Variants in DNAI4 observed in about 807,000 individuals in gnomAD.
DNAI4 encodes dynein axonemal intermediate chain 4.
DNAI4 carries 85 observed loss-of-function variants against 105.8 expected under a neutral mutation model. The ratio of observed to expected loss-of-function variants is 0.80; its 90% CI spans 0.67 to 0.96. DNAI4 has a LOEUF of 0.96. DNAI4 is among the 40% of genes least tolerant of loss of function. DNAI4 has a pLI of 0.00. For synonymous variants in DNAI4, 352 were observed against 331.5 expected (o/e 1.06, Z -0.67); for missense variants, 1,014 against 1,005.6 (o/e 1.01, Z -0.11).
chr1:66,814,535 AT>A (rs1459633352), intron 16 of DNAI4, among the ~76,000 whole-genome samples: 13 of 151,950 alleles, frequency 8.6e-5, no homozygotes, highest in African/African-American at 2.2e-4. Flanking sequence ...CGCCCAGCTA[AT>A]TTTTTGTATT....
intron 7 of DNAI4, among the ~76,000 whole-genome samples, chr1:66,848,924 C>A (rs972322683): frequency 6.6e-6 from 1 of 152,328 alleles, no homozygotes; most frequent in African/African-American, 2.4e-5. Context: ...CCTAGTCTTA[C>A]ACCCTCACTA....
In DNAI4 at chr1:66,916,605, A is replaced by G. The variant is rs187596438; in HGVS notation, c.170+8057T>C. Among the ~76,000 whole-genome samples, 289 of 152,300 alleles carry G rather than the reference A, an allele frequency of 1.9e-3. 1 individual carries two copies. Among genetic ancestry groups the G allele is most frequent in the Non-Finnish European group, 3.3e-3 (225 of 68,024 alleles). ...TTAAGGGCTGCTTTTAAGAGATAAA[A>G]TAAGTTCAGTTTCTCTATAATCATT... On this transcript the variant is annotated intron_variant, in intron 1 of 16. Transcript: ENST00000371026.
rs547044978 is a variant in DNAI4 at position 66,912,582 on chromosome 1, C to T, written c.171-7207G>A. On this transcript the variant is annotated intron_variant, in intron 1 of 16. Transcript: ENST00000371026. The stretch of plus-strand genomic sequence containing the variant: ...CACCTTTCTGGATGGAACCAATGTA[C>T]TTCTTACATATACTGAATGATGTCT... Among the ~76,000 whole-genome samples, 224 of 152,256 alleles carry T rather than the reference C, an allele frequency of 1.5e-3. 1 individual carries two copies. The highest frequency in any genetic ancestry group is 2.3e-3 in the South Asian group (11 of 4,828).
At chr1:66,848,712 G>T (rs1646331129) in intron 7 of DNAI4, among the ~76,000 whole-genome samples, 1 of 152,134 alleles carries the variant, frequency 6.6e-6, no homozygotes, top group Non-Finnish European at 1.5e-5. Context: ...TCCAGATATG[G>T]AGCTGAAGAA....
chr1:66,836,310 AAGAAAGAAAGAAAG>A (rs1448859195), intron 10 of DNAI4, among the ~76,000 whole-genome samples: 1 of 144,914 alleles, frequency 6.9e-6, no homozygotes, highest in African/African-American at 2.5e-5. Flanking sequence ...GAAAGAAAGA[AAGAAAGAAAGAAAG>A]AAGGAAAGAG....
chr1:66,914,618 T>A (rs951215856), intron 1 of DNAI4, among the ~76,000 whole-genome samples: 3 of 152,204 alleles, frequency 2.0e-5, no homozygotes, highest in Admixed American at 6.5e-5. Flanking sequence ...CTGAGTTGTT[T>A]CCTTTAACAT....
chr1:66,878,710 T>C (rs894316305), intron 4 of DNAI4, among the ~76,000 whole-genome samples: 5 of 152,304 alleles, frequency 3.3e-5, no homozygotes, highest in African/African-American at 9.6e-5. Flanking sequence ...CTTCTTGCTT[T>C]CTGTAATCTC....
intron 13 of DNAI4, among the ~76,000 whole-genome samples, chr1:66,830,216 T>C (rs1006601934): frequency 1.3e-5 from 2 of 151,684 alleles, no homozygotes; most frequent in African/African-American, 4.8e-5. Flanking sequence ...AAAGTGGAAA[T>C]TGATGATAAA....
At chr1:66,820,103 A>G (rs2100314811) in intron 16 of DNAI4, among the ~76,000 whole-genome samples, 1 of 152,290 alleles carries the variant, frequency 6.6e-6, no homozygotes, top group East Asian at 1.9e-4. Context: ...CAATGTGGAG[A>G]TAAATATCCC....
chr1:66,917,421 C>A (rs546454080), intron 1 of DNAI4, among the ~76,000 whole-genome samples: 1 of 152,202 alleles, frequency 6.6e-6, no homozygotes, highest in Admixed American at 6.5e-5. Context: ...TTCTTAAATG[C>A]AAGTTTCTGA....
intron 7 of DNAI4, among the ~76,000 whole-genome samples, chr1:66,853,266 T>C (rs1033722800): frequency 4.6e-5 from 7 of 152,242 alleles, no homozygotes; most frequent in Admixed American, 2.0e-4. Flanking sequence ...TCATGGGCAT[T>C]ACCCCTTGGG....
At chr1:66,912,109 G>C (rs936259597) in intron 1 of DNAI4, among the ~76,000 whole-genome samples, 2 of 152,124 alleles carry the variant, frequency 1.3e-5, no homozygotes, top group African/African-American at 2.4e-5. Context: ...CAAAGTGCTG[G>C]GATTACAGGC....
intron 2 of DNAI4, chr1:66,904,782 GTA>G: frequency 6.2e-6 from 1 of 161,934 alleles, no homozygotes; most frequent in South Asian, 2.0e-4. Flanking sequence ...ATGCTTTTCT[GTA>G]TATATATAAT....
chr1:66,893,071 A>AAGAG (rs1553227643), intron 3 of DNAI4, among the ~76,000 whole-genome samples, 158 bp downstream of exon 3: 1 of 122,378 alleles, frequency 8.2e-6, no homozygotes, highest in Non-Finnish European at 1.8e-5. Context: ...GAGAGAAAGA[A>AAGAG]AGAAAGAAAG....
chr1:66,924,820 G>C lies in DNAI4; in HGVS notation c.12C>G (p.Gly4=). 6.2e-7 allele frequency: 1 copy of C among 1,613,994 alleles called. No homozygotes were observed. Among genetic ancestry groups the C allele is most frequent in the Non-Finnish European group, 8.5e-7 (1 of 1,179,952 alleles). The change falls in exon 1 of 17, where the codon GGC becomes GGG. Residue 4 remains glycine, a synonymous_variant. Transcript: ENST00000371026. The part of the protein sequence containing the change: MTP[G]KHSGASARAA... ...CTCGGGCCGAGGCTCCGGAATGTTT[G>C]CCGGGCGTCATGGCGACGGTGGAGC... is the stretch of plus-strand genomic sequence containing the variant.
intron 9 of DNAI4, 49 bp from the exon 10 acceptor site, chr1:66,837,845 A>G: frequency 6.8e-7 from 1 of 1,470,890 alleles, no homozygotes; most frequent in Non-Finnish European, 9.3e-7. Context: ...TAGCATTAAA[A>G]TATTGGTAAA....
At chr1:66,842,191 G>C (rs1271439174) in intron 8 of DNAI4, among the ~76,000 whole-genome samples, 1 of 152,106 alleles carries the variant, frequency 6.6e-6, no homozygotes, top group Non-Finnish European at 1.5e-5. Context: ...TCCATTGTCT[G>C]GATGTATCAT....
chr1:66,897,966 G>A (rs1242034863), intron 2 of DNAI4, among the ~76,000 whole-genome samples: 1 of 152,140 alleles, frequency 6.6e-6, no homozygotes, highest in African/African-American at 2.4e-5. Flanking sequence ...AGCCTGCAAA[G>A]CCAGCCTGGG....
chr1:66,913,757 C>T (rs1283463553), intron 1 of DNAI4, among the ~76,000 whole-genome samples: 4 of 151,864 alleles, frequency 2.6e-5, no homozygotes, highest in African/African-American at 4.8e-5. Context: ...CCGAGGCGGG[C>T]GAATCACGAG....
Sources: gnomAD v4.1 joint callset for allele counts (sites outside exome capture counted in the v4.1 genomes callset) on GRCh38, gnomAD v4.1.1 for gene constraint, MANE v1.5 for transcripts, NCBI Gene and HGNC (gene_info 2026-07-23, HGNC 2026-07-21) for gene names.